ACAP3: variants seen among roughly 807,000 people sequenced by gnomAD.
ACAP3 encodes the protein ArfGAP with coiled-coil, ankyrin repeat and PH domains 3, also known as arf-GAP with coiled-coil, ANK repeat and PH domain-containing protein 3.
A neutral mutation model predicts 104.1 loss-of-function variants in ACAP3; 56 were observed. The observed-to-expected ratio is 0.54, with a 90% CI of 0.43 to 0.67. The LOEUF (loss-of-function observed/expected upper bound fraction) is 0.67, where lower values mean the gene tolerates loss of function less well. Ranked by LOEUF, ACAP3 falls within the 30% of genes least tolerant of loss-of-function variation. The pLI, the probability that ACAP3 is intolerant of heterozygous loss-of-function variation, is 0.00. For synonymous variants in ACAP3, 628 were observed against 496.2 expected (o/e 1.27, Z -3.53); for missense variants, 1,208 against 1,174.9 (o/e 1.03, Z -0.41).
chr1:1,299,421 G>A, intron 9 of ACAP3, 65 bp from the exon 10 acceptor site: 1 of 1,468,390 alleles, frequency 6.8e-7, no homozygotes, highest in East Asian at 2.5e-5. Flanking sequence ...CCAACTCCTG[G>A]TGACTGGTGG....
At chr1:1,300,818 C>A (rs1641410710) in intron 5 of ACAP3, 126 bp from the exon 6 acceptor site, 1 of 975,478 alleles carries the variant, frequency 1.0e-6, no homozygotes, top group Non-Finnish European at 1.5e-6. Flanking sequence ...GTCACCCAGG[C>A]TGGAGTGCAA....
rs1280287312 is a variant in ACAP3 at position 1,293,435 on chromosome 1, C to T, written c.*129G>A. 7 of 1,019,650 alleles carry T rather than the reference C, an allele frequency of 6.9e-6. No homozygotes were observed. Among genetic ancestry groups the T allele is most frequent in the Non-Finnish European group, 7.6e-6 (6 of 792,166 alleles). 63.2% of individuals were successfully genotyped at this position (1,019,650 alleles called of 1,614,324 possible). On this transcript the variant is annotated 3_prime_UTR_variant, in exon 24 of 24. Transcript: ENST00000354700. The stretch of plus-strand genomic sequence containing the variant: ...CCTGGGCGAGCAGGGCCGCGGCGCC[C>T]CAGCACTGGGGCTGCCAGGTATCGA...
chr1:1,298,402 T>C lies in ACAP3; in HGVS notation c.883A>G (p.Asn295Asp). ...TTCTTCTGGTAGACCAGCTGGCTGT[T>C]CTGAATGGAGAACCAGCGCCTAGGT... ...TWNRRWFSIQ[N>D]SQLVYQKKLK... Residue 295 changes from asparagine (N) to aspartate (D), a missense_variant, in exon 12 of 24, where the codon AAC (asparagine) becomes GAC (aspartate). Asn to Asp is a conservative substitution (Grantham distance 23). Coordinates refer to ENST00000354700, the MANE Select transcript of ACAP3 (RefSeq NM_030649.3). The C allele has an allele frequency of 6.2e-7, 1 of 1,602,962 alleles. No homozygotes were observed. The highest frequency in any genetic ancestry group is 1.1e-5 in the South Asian group (1 of 90,114).
chr1:1,293,334 G>A lies in ACAP3; in HGVS notation c.*230C>T, dbSNP rs1640923755. The A allele has an allele frequency of 2.9e-6, 1 of 340,230 alleles. No homozygotes were observed. The allele number at this position is 340,230 out of a possible 1,614,324, so 21.1% of individuals were successfully genotyped here. A position where few individuals can be genotyped will look rare whatever the true frequency, so the allele number is the denominator to read the frequency against. On this transcript the variant is annotated 3_prime_UTR_variant, in exon 24 of 24. Transcript: ENST00000354700. The stretch of plus-strand genomic sequence containing the variant: ...ACAGAGGTTCCCCAGGTGGGGTGAG[G>A]GACACCCGACGATGCAGCACCCCCC...
chr1:1,302,536 C>A (rs1479043163), intron 4 of ACAP3, among the ~76,000 whole-genome samples: 1 of 152,178 alleles, frequency 6.6e-6, no homozygotes, highest in Non-Finnish European at 1.5e-5. Context: ...TCTGTTCAGT[C>A]TGCGGCTCAG....
rs551650390 is a variant in ACAP3, at chr1:1,293,825, T to C, written c.2358A>G (p.Thr786=). 8.0e-5 allele frequency: 107 copies of C among 1,333,674 alleles called. 1 individual carries two copies. In the East Asian group the frequency reaches 3.1e-3, roughly 39 times the overall value. The allele number at this position is 1,333,674 out of a possible 1,614,324, so 82.6% of individuals were successfully genotyped here. Residue 786 remains threonine, a splice_region_variant and synonymous_variant, in exon 23 of 24, where the codon ACA becomes ACG. Transcript: ENST00000354700. Reference sequence around the variant, plus strand: ...CCCGAGGGCCCGGCCGCGCTCACAGTGTCACGATGTCAGCGTTGGCCGCCT... The same window carrying C: ...CCCGAGGGCCCGGCCGCGCTCACAGCGTCACGATGTCAGCGTTGGCCGCCT... The part of the protein sequence containing the change: ...AVQAANADIV[T]LLRLARMAEE...
Position 1,299,993 on chromosome 1 carries a change from T to C in ACAP3, c.643A>G (p.Met215Val), listed in dbSNP as rs1315203394. Residue 215 changes from methionine to valine, a missense_variant, in exon 8 of 24, where the codon ATG (methionine) becomes GTG (valine). Met to Val is a conservative substitution (Grantham distance 21). Transcript: ENST00000354700. ...CTCACCTCGGCTGCCAGCTTCTTCATGTAGGGGTCCAGCTGGTGCAGGAGG... is the reference window on the plus strand; with the variant it reads ...CTCACCTCGGCTGCCAGCTTCTTCACGTAGGGGTCCAGCTGGTGCAGGAGG... Reference protein sequence around the residue: ...YSLLHQLDPYMKKLAAELDQL... With the variant: ...YSLLHQLDPYVKKLAAELDQL... The C allele has an allele frequency of 1.2e-6, 2 of 1,611,296 alleles. No individual in the cohort carries two copies. The highest frequency in any genetic ancestry group is 2.2e-5 in the South Asian group (2 of 91,012).
Position 1,297,878 on chromosome 1 carries a change from C to G in ACAP3, c.1072G>C (p.Val358Leu), listed in dbSNP as rs780499246. 9.3e-6 allele frequency: 15 copies of G among 1,611,926 alleles called. No homozygotes were observed. The highest frequency in any genetic ancestry group is 5.5e-5 in the South Asian group (5 of 91,072). ...EKLRQAWVQA[V>L]QASIASAYRE... ...TAGGCGGAGGCGATGCTGGCCTGCACAGCCTGGACCCAGGCTTGCCGCAGC... is the reference window on the plus strand; with the variant it reads ...TAGGCGGAGGCGATGCTGGCCTGCAGAGCCTGGACCCAGGCTTGCCGCAGC... Residue 358 changes from valine to leucine, a missense_variant, in exon 14 of 24, where the codon GTG becomes CTG. Physicochemically the swap from Val to Leu is conservative, Grantham distance 32. Transcript: ENST00000354700.
In ACAP3 at chr1:1,300,704, G is replaced by T; in HGVS notation, c.339-12C>A. ...ACTTCCGCACATCCCTGGAGGCCAA[G>T]TGCCAGGTGGGGTGAGAGATCAGGG... On this transcript the variant is annotated splice_polypyrimidine_tract_variant and intron_variant, in intron 5 of 23. Coordinates refer to ENST00000354700, the MANE Select transcript of ACAP3 (RefSeq NM_030649.3). The T allele has an allele frequency of 6.2e-7, 1 of 1,604,172 alleles. No individual in the cohort carries two copies. The highest frequency in any genetic ancestry group is 1.1e-5 in the South Asian group (1 of 89,404).
rs1363653048 is a variant in ACAP3 at position 1,293,612 on chromosome 1, G to T, written c.2457C>A (p.Phe819Leu). ...ALAGSPTELQ[F>L]RRCIQEFISL... ...TGATGAACTCCTGGATACACCTGCG[G>T]AACTGGAGCTCCGTGGGGCTGCCCG... The change falls in exon 24 of 24, where the codon TTC (phenylalanine) becomes TTA (leucine). Residue 819 changes from phenylalanine to leucine, a missense_variant. Physicochemically the swap from Phe to Leu is conservative, Grantham distance 22. Coordinates refer to ENST00000354700, the MANE Select transcript of ACAP3 (RefSeq NM_030649.3). 2.7e-6 allele frequency: 4 copies of T among 1,496,978 alleles called. No homozygotes were observed. Among genetic ancestry groups the T allele is most frequent in the African/African-American group, 1.5e-5 (1 of 68,682 alleles). 92.7% of individuals were successfully genotyped at this position (1,496,978 alleles called of 1,614,324 possible). A position where few individuals can be genotyped will look rare whatever the true frequency, so the allele number is the denominator to read the frequency against.
At chr1:1,301,941 G>A in intron 5 of ACAP3, 47 bp downstream of exon 5, 5 of 1,499,024 alleles carry the variant, frequency 3.3e-6, no homozygotes, top group Non-Finnish European at 4.5e-6. Context: ...CTCCAAGGGA[G>A]GGAGCGTGGC....
chr1:1,297,787 G>A, intron 14 of ACAP3, 35 bp downstream of exon 14: 1 of 1,596,086 alleles, frequency 6.3e-7, no homozygotes. Context: ...ACGTGTGTGT[G>A]CACGGGCTTG....
chr1:1,306,705 C>T (rs898391990), intron 1 of ACAP3, among the ~76,000 whole-genome samples: 2 of 152,248 alleles, frequency 1.3e-5, no homozygotes, highest in African/African-American at 2.4e-5. Flanking sequence ...CATGTGCAAA[C>T]ATGTTCATGC....
intron 7 of ACAP3, 33 bp from the exon 8 acceptor site, chr1:1,300,101 A>G: frequency 1.9e-6 from 3 of 1,607,466 alleles, no homozygotes; most frequent in Non-Finnish European, 1.7e-6. Context: ...GCCCAAGCAC[A>G]CCCGGTCCAG....
intron 4 of ACAP3, 92 bp from the exon 5 acceptor site, chr1:1,302,138 C>G: frequency 8.4e-7 from 1 of 1,195,582 alleles, no homozygotes; most frequent in Non-Finnish European, 1.1e-6. Context: ...GGCACTGCCC[C>G]CAGGCCCAGA....
rs1641021885 is a variant in ACAP3, at chr1:1,294,524, G to A, written c.2017C>T (p.His673Tyr). ...VRELHPGLLA[H>Y]RAARARDLPA... The stretch of plus-strand genomic sequence containing the variant: ...AGGTCGCGGGCACGCGCTGCGCGGT[G>A]CGCCAAGAGCCCCGGGTGCAGCTCG... The change falls in exon 21 of 24, where the codon CAC (histidine) becomes TAC (tyrosine). Residue 673 changes from histidine (H) to tyrosine (Y), a missense_variant. His to Tyr is a moderately conservative substitution (Grantham distance 83). Coordinates refer to ENST00000354700, the MANE Select transcript of ACAP3 (RefSeq NM_030649.3). 6 of 1,499,674 alleles carry A rather than the reference G, an allele frequency of 4.0e-6. No individual in the cohort carries two copies. Among genetic ancestry groups the A allele is most frequent in the Admixed American group, 2.4e-5 (1 of 41,572 alleles). 92.9% of individuals were successfully genotyped at this position (1,499,674 alleles called of 1,614,324 possible).
chr1:1,300,467 C>T, intron 6 of ACAP3, 42 bp downstream of exon 6: 1 of 1,571,424 alleles, frequency 6.4e-7, no homozygotes, highest in Non-Finnish European at 8.6e-7. Context: ...CCTCCATTCG[C>T]TACAGCTGGT....
chr1:1,302,068 G>A (rs1641469427), intron 4 of ACAP3, 22 bp from the exon 5 acceptor site: 6 of 1,498,446 alleles, frequency 4.0e-6, no homozygotes, highest in Non-Finnish European at 5.4e-6. Flanking sequence ...GGCGGGCAGA[G>A]ATCCTTGGGG....
rs538976454 is a variant in ACAP3 at position 1,299,868 on chromosome 1, C to A, written c.701G>T (p.Arg234Leu). The change falls in exon 9 of 24, where the codon CGT becomes CTT. Residue 234 changes from arginine (R) to leucine (L), a missense_variant. Coordinates refer to ENST00000354700, the MANE Select transcript of ACAP3 (RefSeq NM_030649.3). ...QLVIDSAVEK[R>L]EMERKHAAIQ... ...GGCGGCGTGCTTTCGCTCCATCTCA[C>A]GCTTTTCCACCGCAGAGTCGATCAC... 1 of 1,569,584 alleles carries A rather than the reference C, an allele frequency of 6.4e-7. No individual in the cohort carries two copies. Among genetic ancestry groups the A allele is most frequent in the Admixed American group, 1.8e-5 (1 of 54,860 alleles).
Sources: gnomAD v4.1 joint callset for allele counts (sites outside exome capture counted in the v4.1 genomes callset) on GRCh38, gnomAD v4.1.1 for gene constraint, MANE v1.5 for transcripts, NCBI Gene and HGNC (gene_info 2026-07-23, HGNC 2026-07-21) for gene names.